Variants in EGF observed in about 807,000 individuals in gnomAD.
The protein encoded by EGF is pro-epidermal growth factor.
Under a neutral mutation model 143.8 loss-of-function variants are expected in EGF, and 95 were observed. The observed-to-expected ratio is 0.66, with a 90% CI of 0.56 to 0.78. The LOEUF is 0.78. Ranked by LOEUF, EGF falls within the 30% of genes least tolerant of loss-of-function variation. The pLI is 0.00. For missense variants in EGF, 1,320 were observed against 1,470.9 expected, an observed-to-expected ratio of 0.90 and a Z score of 1.68; for synonymous variants, 510 against 510.5, an observed-to-expected ratio of 1.00 and a Z score of 0.01.
chr4:109,921,985 G>A (rs1312835647), intron 1 of EGF, among the ~76,000 whole-genome samples: 1 of 151,450 alleles, frequency 6.6e-6, no homozygotes, highest in Non-Finnish European at 1.5e-5. Flanking sequence ...AAAACATGCT[G>A]AAGGGTTGAA....
chr4:109,957,345 G>A (rs1196265278), intron 5 of EGF, among the ~76,000 whole-genome samples: 2 of 152,162 alleles, frequency 1.3e-5, no homozygotes, highest in African/African-American at 2.4e-5. Context: ...GTATCATAAG[G>A]AAATCCCATC....
intron 15 of EGF, among the ~76,000 whole-genome samples, chr4:109,982,720 A>G (rs1307765235): frequency 6.6e-6 from 1 of 152,010 alleles, no homozygotes; most frequent in Non-Finnish European, 1.5e-5. Context: ...TCCTTTTTCC[A>G]TACTAAGACA....
Position 109,980,949 on chromosome 4 carries a change from C to T in EGF, c.2345C>T (p.Ala782Val). 2 of 1,614,072 alleles carry T rather than the reference C, an allele frequency of 1.2e-6. No homozygotes were observed. The highest frequency in any genetic ancestry group is 1.7e-6 in the Non-Finnish European group (2 of 1,179,976). The change falls in exon 15 of 24, where the codon GCT becomes GTT. Residue 782 changes from alanine (A) to valine (V), a missense_variant. By Grantham distance (64) the Ala-to-Val change is moderately conservative (BLOSUM62 0). Transcript: ENST00000265171. ...GCCTCAGATGGGAAAACGTGTCTGGCTCTGGATGGTCATCAGCTGTTGGCA... is the reference window on the plus strand; with the variant it reads ...GCCTCAGATGGGAAAACGTGTCTGGTTCTGGATGGTCATCAGCTGTTGGCA... ...MKASDGKTCL[A>V]LDGHQLLAGG...
intron 18 of EGF, 136 bp downstream of exon 18, chr4:109,988,845 C>T (rs1001394195): frequency 7.5e-7 from 1 of 1,324,714 alleles, no homozygotes; most frequent in African/African-American, 1.4e-5. Context: ...AGTTGTGCGA[C>T]CTGCTCAAAC....
chr4:109,961,182 C>T (rs1316339648), intron 7 of EGF, among the ~76,000 whole-genome samples, 193 bp downstream of exon 7: 2 of 150,126 alleles, frequency 1.3e-5, no homozygotes, highest in Non-Finnish European at 1.5e-5. Flanking sequence ...CCTATCTCTA[C>T]TAAAAATACA....
In EGF at chr4:109,980,002, A is replaced by T; in HGVS notation, c.2084A>T (p.Asp695Val). ...GHPFAVAVFE[D>V]YVWFSDWAMP... ...CCATTTGCTGTAGCAGTGTTTGAGG[A>T]TTATGTGTGGTTCTCAGATTGGGCT... Residue 695 changes from aspartate to valine, a missense_variant, in exon 14 of 24, where the codon GAT becomes GTT. Asp to Val is a radical substitution (Grantham distance 152, BLOSUM62 -3). Around this residue, in one of 5 missense-constraint regions of EGF, gnomAD observed 1,186 missense variants for 1,313.7 expected, o/e 0.90. Coordinates refer to ENST00000265171, the MANE Select transcript of EGF (RefSeq NM_001963.6). 1.9e-6 allele frequency: 3 copies of T among 1,614,028 alleles called. No homozygotes were observed. Among genetic ancestry groups the T allele is most frequent in the African/African-American group, 1.3e-5 (1 of 75,026 alleles).
At position 110,008,151 on chromosome 4, in the gene EGF, G is replaced by A; in HGVS notation, c.3292-1G>A. The A allele has an allele frequency of 6.2e-7, 1 of 1,613,880 alleles. No individual in the cohort carries two copies. Among genetic ancestry groups the A allele is most frequent in the East Asian group, 2.2e-5 (1 of 44,874 alleles). ...CTCTCCCTCCTTTTTGTTGTCTGCA[G>A]TTTGTGGTTATAAAAGAACACCAAG... is the stretch of plus-strand genomic sequence containing the variant. On this transcript the variant is annotated splice_acceptor_variant, in intron 22 of 23. Transcript: ENST00000265171. LOFTEE classifies it high-confidence loss of function.
rs11569013 is a variant in EGF at position 109,980,285 on chromosome 4, A to G, written c.2221+146A>G. ...AGATGTTAAGATTTTCTAAGATTTA[A>G]GTTTGTTTAAGACAATCTGGTAGTT... On this transcript the variant is annotated intron_variant, in intron 14 of 23. Transcript: ENST00000265171. The G allele has an allele frequency of 4.2e-4, 367 of 880,412 alleles. No homozygotes were observed. In the African/African-American group the frequency reaches 5.6e-3, roughly 13 times the overall value. 54.5% of individuals were successfully genotyped at this position (880,412 alleles called of 1,614,324 possible). A position where few individuals can be genotyped will look rare whatever the true frequency, so the allele number is the denominator to read the frequency against.
intron 16 of EGF, among the ~76,000 whole-genome samples, chr4:109,986,832 G>T (rs1647853460): frequency 6.6e-6 from 1 of 152,060 alleles, no homozygotes; most frequent in Admixed American, 6.5e-5. Flanking sequence ...AGTATGAAAT[G>T]AAATGATCCA....
intron 7 of EGF, 95 bp from the exon 8 acceptor site, chr4:109,961,768 G>A (rs1177290730): frequency 1.3e-6 from 2 of 1,540,054 alleles, no homozygotes; most frequent in African/African-American, 1.4e-5. Context: ...GGAGGTCAAG[G>A]CAGGAGGATC....
intron 21 of EGF, chr4:110,001,528 A>G (rs778077564): frequency 2.2e-4 from 172 of 772,206 alleles, no homozygotes; most frequent in Non-Finnish European, 2.6e-4. Context: ...GCCAAAGGGC[A>G]GGAAAAAAAA....
At chr4:110,009,874 G>A (rs541602790) in intron 23 of EGF, among the ~76,000 whole-genome samples, 1 of 152,290 alleles carries the variant, frequency 6.6e-6, no homozygotes, top group Admixed American at 6.5e-5. Flanking sequence ...GTTGACACAG[G>A]TTAAGTGCAG....
At chr4:109,922,989 G>A (rs1042413581) in intron 1 of EGF, among the ~76,000 whole-genome samples, 8 of 151,656 alleles carry the variant, frequency 5.3e-5, no homozygotes, top group African/African-American at 1.7e-4. Flanking sequence ...GCTTAGAGAA[G>A]TCGGTTTCCT....
At chr4:109,991,911 G>T (rs137973885) in intron 18 of EGF, among the ~76,000 whole-genome samples, 1 of 152,150 alleles carries the variant, frequency 6.6e-6, no homozygotes, top group African/African-American at 2.4e-5. Flanking sequence ...CCAACACTCT[G>T]GGAGGCCAAG....
At chr4:109,998,143 C>T (rs1452210727) in intron 20 of EGF, among the ~76,000 whole-genome samples, 1 of 152,192 alleles carries the variant, frequency 6.6e-6, no homozygotes, top group Non-Finnish European at 1.5e-5. Context: ...CTGACATATT[C>T]CTCAAGACCC....
At chr4:109,994,987 T>C (rs1751566018) in intron 20 of EGF, 107 bp downstream of exon 20, 1 of 1,432,466 alleles carries the variant, frequency 7.0e-7, no homozygotes. Context: ...AATTAGGTGT[T>C]CTTTTGGAAA....
intron 5 of EGF, among the ~76,000 whole-genome samples, chr4:109,953,525 A>G (rs1289036665): frequency 6.6e-6 from 1 of 152,234 alleles, no homozygotes; most frequent in African/African-American, 2.4e-5. Context: ...TGTTTTCAAA[A>G]TAAAGAGTTA....
intron 10 of EGF, among the ~76,000 whole-genome samples, chr4:109,967,327 C>A (rs1440391092): frequency 6.6e-6 from 1 of 152,114 alleles, no homozygotes; most frequent in African/African-American, 2.4e-5. Context: ...TTTTTGTGGA[C>A]TTTGTCAAAG....
chr4:109,927,490 C>T (rs907498071), intron 1 of EGF, among the ~76,000 whole-genome samples: 7 of 151,764 alleles, frequency 4.6e-5, no homozygotes, highest in Admixed American at 3.9e-4. Context: ...TTTGAGAGGC[C>T]GAGGCAGGCG....
Sources: gnomAD v4.1 joint callset for allele counts (sites outside exome capture counted in the v4.1 genomes callset) on GRCh38, gnomAD v4.1.1 for gene constraint, gnomAD v4.1.1 regional missense constraint, MANE v1.5 for transcripts, NCBI Gene and HGNC (gene_info 2026-07-23, HGNC 2026-07-21) for gene names.